Variants in CSMD1 observed in about 807,000 individuals in gnomAD.
The protein encoded by CSMD1 is CUB and sushi domain-containing protein 1.
Under a neutral mutation model 417.5 loss-of-function variants are expected in CSMD1, and 213 were observed. That is an observed-to-expected ratio of 0.51 (90% CI 0.46 to 0.57). The LOEUF (loss-of-function observed/expected upper bound fraction) is 0.57. CSMD1 is among the 20% of genes least tolerant of loss of function. The pLI, the probability that CSMD1 is intolerant of heterozygous loss-of-function variation, is 0.00. For missense variants in CSMD1, 6,923 were observed against 4,529.7 expected, an observed-to-expected ratio of 1.53 and a Z score of -15.17; for synonymous variants, 2,862 against 1,736.8, an observed-to-expected ratio of 1.65 and a Z score of -16.11.
chr8:4,818,564 T>G (rs1043780952), intron 1 of CSMD1, among the ~76,000 whole-genome samples: 2 of 152,192 alleles, frequency 1.3e-5, no homozygotes, highest in African/African-American at 4.8e-5. Context: ...CACACACATG[T>G]GCACATATAT....
chr8:4,749,626 C>G (rs78752484), intron 1 of CSMD1, among the ~76,000 whole-genome samples: 25 of 152,106 alleles, frequency 1.6e-4, no homozygotes, highest in Non-Finnish European at 3.2e-4. Context: ...AATGTACCAG[C>G]GTCAAAAGTT....
intron 5 of CSMD1, among the ~76,000 whole-genome samples, chr8:3,900,503 C>A (rs1304167306): frequency 6.6e-6 from 1 of 151,838 alleles, no homozygotes; most frequent in East Asian, 1.9e-4. Flanking sequence ...AGCTGGGTGA[C>A]AGTAGAGCTG....
At chr8:4,180,459 G>A (rs1584970092) in intron 3 of CSMD1, among the ~76,000 whole-genome samples, 1 of 150,574 alleles carries the variant, frequency 6.6e-6, no homozygotes, top group South Asian at 2.1e-4. Flanking sequence ...GATAGCATTA[G>A]GAGATATGCC....
intron 3 of CSMD1, among the ~76,000 whole-genome samples, chr8:4,214,819 C>G (rs73658488): frequency 2.0e-5 from 3 of 151,920 alleles, no homozygotes; most frequent in Non-Finnish European, 4.4e-5. Context: ...CTCAAAAATA[C>G]GAACAAATTT....
intron 1 of CSMD1, among the ~76,000 whole-genome samples, chr8:4,758,344 A>C (rs1479063653): frequency 1.3e-5 from 2 of 152,120 alleles, no homozygotes; most frequent in African/African-American, 4.8e-5. Context: ...GTTATTTAGA[A>C]TTTGCCTCTA....
intron 3 of CSMD1, among the ~76,000 whole-genome samples, chr8:4,252,944 C>T (rs1362452191): frequency 6.6e-6 from 1 of 152,200 alleles, no homozygotes; most frequent in Non-Finnish European, 1.5e-5. Context: ...AACACACCAA[C>T]TTTTAGACTG....
intron 8 of CSMD1, among the ~76,000 whole-genome samples, chr8:3,614,593 G>A (rs894087349): frequency 6.6e-6 from 1 of 152,134 alleles, no homozygotes; most frequent in African/African-American, 2.4e-5. Flanking sequence ...AACATGAAGT[G>A]CAATTTGAAG....
chr8:4,294,971 A>G (rs1159457516), intron 3 of CSMD1, among the ~76,000 whole-genome samples: 2 of 150,894 alleles, frequency 1.3e-5, no homozygotes, highest in Non-Finnish European at 3.0e-5. Flanking sequence ...TATTTTTCTT[A>G]TATTTTGCCA....
rs746109911 is a variant in CSMD1, at chr8:3,406,148, G to C, written c.2145C>G (p.Leu715=). 1 of 1,613,586 alleles carries C rather than the reference G, an allele frequency of 6.2e-7. No individual in the cohort carries two copies. The highest frequency in any genetic ancestry group is 8.5e-7 in the Non-Finnish European group (1 of 1,179,766). Residue 715 remains leucine (L), a synonymous_variant, in exon 15 of 70, where the codon CTC becomes CTG. Coordinates refer to ENST00000635120, the MANE Select transcript of CSMD1 (RefSeq NM_033225.6). ...CACAGTGGAAAGAAACCGAGCTCCC[G>C]AGTAGAAACCTGTCACCAAAACGTC... is the stretch of plus-strand genomic sequence containing the variant. ...NGRRFGDRFL[L]GSSVSFHCDD...
intron 3 of CSMD1, among the ~76,000 whole-genome samples, chr8:4,068,011 GC>G (rs1563079777): frequency 1.3e-5 from 2 of 151,998 alleles, no homozygotes; most frequent in African/African-American, 4.8e-5. Context: ...CTGAGTGGGG[GC>G]GAAGGTTGCA....
chr8:4,582,186 G>T (rs187413073), intron 2 of CSMD1, among the ~76,000 whole-genome samples: 1 of 152,108 alleles, frequency 6.6e-6, no homozygotes, highest in Admixed American at 6.5e-5. Flanking sequence ...CAGACATGAG[G>T]TTTGTCATAT....
chr8:3,509,223 T>G (rs778205147), intron 10 of CSMD1, among the ~76,000 whole-genome samples: 14 of 152,320 alleles, frequency 9.2e-5, no homozygotes, highest in Non-Finnish European at 2.1e-4. Flanking sequence ...GAAACAATAT[T>G]ATCTGGACCC....
intron 3 of CSMD1, among the ~76,000 whole-genome samples, chr8:4,057,166 C>T (rs1406174544): frequency 1.3e-5 from 2 of 152,132 alleles, no homozygotes; most frequent in African/African-American, 2.4e-5. Context: ...TGTAGTGTTC[C>T]TATTTCTCCA....
intron 41 of CSMD1, among the ~76,000 whole-genome samples, chr8:3,119,408 A>AAC (rs1563062671): frequency 7.4e-6 from 1 of 134,772 alleles, no homozygotes; most frequent in South Asian, 2.3e-4. Context: ...AAAAAAAAAA[A>AAC]AAAACACTGT....
chr8:4,275,128 G>C (rs1301792525), intron 3 of CSMD1, among the ~76,000 whole-genome samples: 1 of 152,158 alleles, frequency 6.6e-6, no homozygotes, highest in Non-Finnish European at 1.5e-5. Context: ...GATAACCAAT[G>C]ATAGTCAATA....
At chr8:4,686,081 T>C (rs916646200) in intron 1 of CSMD1, among the ~76,000 whole-genome samples, 1 of 152,228 alleles carries the variant, frequency 6.6e-6, no homozygotes, top group Non-Finnish European at 1.5e-5. Context: ...ACTCTGGTTG[T>C]GTCATTCACT....
intron 3 of CSMD1, among the ~76,000 whole-genome samples, chr8:4,342,429 G>A (rs1023112142): frequency 9.2e-5 from 14 of 151,964 alleles, no homozygotes; most frequent in Non-Finnish European, 1.9e-4. Context: ...CTGAACTGTT[G>A]AAAACTATTC....
chr8:2,966,835 T>C (rs1390448924), intron 57 of CSMD1, 89 bp from the exon 58 acceptor site: 7 of 1,176,570 alleles, frequency 5.9e-6, no homozygotes, highest in East Asian at 2.5e-5. Context: ...ATCAGTGCAA[T>C]AGACTACACA....
chr8:3,654,893 G>T (rs939421108), intron 7 of CSMD1, among the ~76,000 whole-genome samples: 1 of 152,148 alleles, frequency 6.6e-6, no homozygotes. Context: ...TGGGAGACAG[G>T]AGCTGGGCTC....
Sources: gnomAD v4.1 joint callset for allele counts (sites outside exome capture counted in the v4.1 genomes callset) on GRCh38, gnomAD v4.1.1 for gene constraint, MANE v1.5 for transcripts, NCBI Gene and HGNC (gene_info 2026-07-23, HGNC 2026-07-21) for gene names.